The following NLGN4X variants were observed in gnomAD, a reference collection of about 807,000 sequenced individuals.
NLGN4X encodes neuroligin 4 X-linked.
A neutral mutation model predicts 40.3 loss-of-function variants in NLGN4X; 3 were observed. The ratio of observed to expected loss-of-function variants is 0.07; its 90% CI spans 0.03 to 0.19. The LOEUF is 0.19. NLGN4X is among the 10% of genes least tolerant of loss of function. The pLI, the probability that NLGN4X is intolerant of heterozygous loss-of-function variation, is 1.00. For synonymous variants in NLGN4X, 270 were observed against 306.8 expected (o/e 0.88, Z 1.25); for missense variants, 382 against 708.3 (o/e 0.54, Z 5.23).
chrX:5,891,193 C>G lies in NLGN4X; in HGVS notation c.*1624G>C, dbSNP rs771556547. 1 of 231,683 alleles carries G rather than the reference C, an allele frequency of 4.3e-6. No homozygotes were observed. The highest frequency in any genetic ancestry group is 1.3e-4 in the East Asian group (1 of 7,837). The allele number at this position is 231,683 out of a possible 1,213,427, so 19.1% of individuals were successfully genotyped here. A position where few individuals can be genotyped will look rare whatever the true frequency, so the allele number is the denominator to read the frequency against. ...TGTTGGAAAGACAAATCTCTGATCC[C>G]TAGGTCACCAATTTAAAATGGGTGA... On this transcript the variant is annotated 3_prime_UTR_variant, in exon 6 of 6. Coordinates refer to ENST00000381095, the MANE Select transcript of NLGN4X (RefSeq NM_181332.3).
intron 1 of NLGN4X, among the ~76,000 whole-genome samples, chrX:6,225,064 TATACACAC>T (rs1926087542): frequency 1.0e-5 from 1 of 96,666 alleles, no homozygotes; most frequent in African/African-American, 3.8e-5. Flanking sequence ...TGTATGTCTG[TATACACAC>T]ATACACACAC....
At chrX:6,195,866 G>T (rs991953557) in intron 1 of NLGN4X, among the ~76,000 whole-genome samples, 4 of 111,219 alleles carry the variant, frequency 3.6e-5, no homozygotes, top group Admixed American at 9.6e-5. Context: ...ACAGCTGGCT[G>T]TAATCTCAAA....
intron 2 of NLGN4X, among the ~76,000 whole-genome samples, chrX:6,132,632 G>A (rs755144965): frequency 4.9e-4 from 55 of 111,369 alleles, no homozygotes; most frequent in Non-Finnish European, 9.1e-4. Context: ...ATTCTTCCAC[G>A]TCTTCAAAAT....
At chrX:6,196,551 C>CAAAAAAAAAAAAAAAA (rs374097705) in intron 1 of NLGN4X, among the ~76,000 whole-genome samples, 3 of 23,318 alleles carry the variant, frequency 1.3e-4, no homozygotes, top group Non-Finnish European at 2.5e-4. Flanking sequence ...GACTCTGTCT[C>CAAAAAAAAAAAAAAAA]AAAAAAAAAA....
intron 2 of NLGN4X, among the ~76,000 whole-genome samples, chrX:6,134,567 G>T (rs747372973): frequency 2.0e-4 from 23 of 112,289 alleles, no homozygotes; most frequent in African/African-American, 7.1e-4. Flanking sequence ...ACAACATTTA[G>T]CAAAGTGGCC....
chrX:5,986,111 T>C (rs1250330026), intron 3 of NLGN4X, among the ~76,000 whole-genome samples: 1 of 112,302 alleles, frequency 8.9e-6, no homozygotes, highest in Non-Finnish European at 1.9e-5. Flanking sequence ...TGGAAAACTA[T>C]ATAGAGTATG....
intron 2 of NLGN4X, among the ~76,000 whole-genome samples, chrX:6,077,402 C>A (rs5915638): frequency 0.091 from 9,829 of 107,757 alleles, 451 homozygotes; most frequent in Non-Finnish European, 0.12. Flanking sequence ...ATTCTCCTTG[C>A]CTCAGCCTCC....
chrX:6,117,362 CCAA>C (rs1229984932), intron 2 of NLGN4X, among the ~76,000 whole-genome samples: 2 of 111,031 alleles, frequency 1.8e-5, no homozygotes, highest in African/African-American at 6.6e-5. Context: ...AAAAAACCCT[CCAA>C]CCATACAGCC....
At chrX:6,036,274 A>C (rs1000654798) in intron 2 of NLGN4X, among the ~76,000 whole-genome samples, 1 of 111,510 alleles carries the variant, frequency 9.0e-6, no homozygotes, top group East Asian at 2.8e-4. Context: ...GTTAGTTGCA[A>C]TAAAAACTCC....
chrX:6,198,490 G>A (rs951344310), intron 1 of NLGN4X, among the ~76,000 whole-genome samples: 6 of 111,986 alleles, frequency 5.4e-5, no homozygotes, highest in African/African-American at 1.9e-4. Flanking sequence ...TGCTGAACGT[G>A]GACCATGAAT....
chrX:6,151,280 G>T lies in NLGN4X; in HGVS notation c.187C>A (p.Pro63Thr), dbSNP rs150566193. ...GKIRGLRTPLPNEILGPVEQY... is the reference protein window; with the variant it reads ...GKIRGLRTPLTNEILGPVEQY... ...TCCACTGGACCCAAGATCTCATTGG[G>T]TAACGGTGTTCTTAGGCCCCGGATT... The change falls in exon 2 of 6, where the codon CCC becomes ACC. Residue 63 changes from proline to threonine, a missense_variant. Pro to Thr is a conservative substitution (Grantham distance 38). Around this residue, in one of 5 missense-constraint regions of NLGN4X, gnomAD observed 115 missense variants for 149.6 expected, o/e 0.77. Transcript: ENST00000381095. The T allele has an allele frequency of 1.4e-5, 17 of 1,209,963 alleles. No individual in the cohort carries two copies. Among genetic ancestry groups the T allele is most frequent in the Non-Finnish European group, 1.8e-5 (16 of 895,246 alleles).
chrX:6,017,923 T>C (rs1461899598), intron 3 of NLGN4X, among the ~76,000 whole-genome samples: 1 of 112,220 alleles, frequency 8.9e-6, no homozygotes, highest in Non-Finnish European at 1.9e-5. Context: ...TAAGCTATGA[T>C]GTTTGGTAGG....
intron 3 of NLGN4X, among the ~76,000 whole-genome samples, chrX:5,978,302 TTCTTTCTTTCTTTC>T (rs2035259392): frequency 1.1e-5 from 1 of 92,124 alleles, no homozygotes; most frequent in Non-Finnish European, 2.1e-5. Flanking sequence ...CTTTCTTTCT[TTCTTTCTTTCTTTC>T]TTTCTTTCTT....
rs745730856 is a variant in NLGN4X at position 5,893,216 on chromosome X, C to T, written c.2052G>A (p.Ser684=). 1.6e-5 allele frequency: 19 copies of T among 1,209,017 alleles called. No individual in the cohort carries two copies. The African/African-American group carries it at 1.6e-4, about 10-fold the overall frequency. Residue 684 remains serine (S), a synonymous_variant, in exon 6 of 6, where the codon TCG becomes TCA. Transcript: ENST00000381095. ...ELSVTIAVGA[S]LLFLNILAFA... is the part of the protein sequence containing the mutation. ...AAGCTAAGATGTTGAGGAAGAGGAGCGACGCCCCGACGGCAATGGTGACAC... is the reference window on the plus strand; with the variant it reads ...AAGCTAAGATGTTGAGGAAGAGGAGTGACGCCCCGACGGCAATGGTGACAC...
chrX:6,040,109 G>C (rs4826829), intron 2 of NLGN4X, among the ~76,000 whole-genome samples: 82 of 108,876 alleles, frequency 7.5e-4, no homozygotes, highest in African/African-American at 2.6e-3. Flanking sequence ...GGTTAATTTT[G>C]TTCTATTTCT....
At chrX:6,174,632 G>A (rs1295815194) in intron 1 of NLGN4X, among the ~76,000 whole-genome samples, 1 of 111,984 alleles carries the variant, frequency 8.9e-6, no homozygotes, top group South Asian at 3.7e-4. Context: ...AACAAAATCA[G>A]GTCCCTTGCA....
intron 2 of NLGN4X, among the ~76,000 whole-genome samples, chrX:6,142,700 C>T (rs113986746): frequency 0.11 from 12,845 of 111,819 alleles, 565 homozygotes; most frequent in Admixed American, 0.15. Context: ...TCTTTAATCT[C>T]ACACACAAAG....
intron 2 of NLGN4X, among the ~76,000 whole-genome samples, chrX:6,127,289 G>C (rs1049740820): frequency 5.3e-5 from 6 of 112,157 alleles, no homozygotes. Context: ...TCCCTATCAA[G>C]GTCCTGGCTG....
At chrX:6,148,090 A>C (rs984745811) in intron 2 of NLGN4X, among the ~76,000 whole-genome samples, 5 of 112,341 alleles carry the variant, frequency 4.5e-5, no homozygotes, top group African/African-American at 1.6e-4. Flanking sequence ...AGAAATTTCC[A>C]ACACTTTTCC....
Sources: allele counts gnomAD v4.1 joint callset (sites outside exome capture counted in the v4.1 genomes callset), GRCh38; gene constraint gnomAD v4.1.1; regional missense constraint gnomAD v4.1.1; transcripts MANE v1.5; gene names NCBI Gene and HGNC (gene_info 2026-07-23, HGNC 2026-07-21).